The following PIK3C2G variants were observed in gnomAD, a reference collection of about 807,000 sequenced individuals.
The protein encoded by PIK3C2G is phosphatidylinositol 3-kinase C2 domain-containing subunit gamma.
Under a neutral mutation model 181.1 loss-of-function variants are expected in PIK3C2G, and 168 were observed. That is an observed-to-expected ratio of 0.93 (90% CI 0.82 to 1.05). The LOEUF is 1.05. Ranked by LOEUF, PIK3C2G falls within the 50% of genes least tolerant of loss-of-function variation. The pLI is 0.00. For missense variants in PIK3C2G, 1,869 were observed against 1,732.8 expected (o/e 1.08, Z -1.40); for synonymous variants, 573 against 592.2 (o/e 0.97, Z 0.47).
chr12:18,648,308 A>T lies in PIK3C2G; in HGVS notation c.*280A>T, dbSNP rs1270626171. 8.4e-6 allele frequency: 2 copies of T among 237,764 alleles called. No individual in the cohort carries two copies. The highest frequency in any genetic ancestry group is 6.1e-5 in the East Asian group (1 of 16,420). The allele number at this position is 237,764 out of a possible 1,614,324, so 14.7% of individuals were successfully genotyped here. A position where few individuals can be genotyped will look rare whatever the true frequency, so the allele number is the denominator to read the frequency against. ...ATTAAATCATTTTAATATATTTTAA[A>T]TTAAACATAGGTTTACATTTGTTTT... is the stretch of plus-strand genomic sequence containing the variant. On this transcript the variant is annotated 3_prime_UTR_variant, in exon 33 of 33. Transcript: ENST00000538779.
At chr12:18,525,296 G>T (rs1223513638) in intron 24 of PIK3C2G, among the ~76,000 whole-genome samples, 1 of 151,944 alleles carries the variant, frequency 6.6e-6, no homozygotes, top group Non-Finnish European at 1.5e-5. Context: ...AGAGGCTGAG[G>T]CAGGAGAATC....
At chr12:18,696,324 A>C in the PIK3C2G span, 4 of 48,240 alleles carry the variant, frequency 8.3e-5, no homozygotes, top group Admixed American at 8.8e-4. Flanking sequence ...AAAAGCCACT[A>C]TATATATATA....
intron 19 of PIK3C2G, among the ~76,000 whole-genome samples, chr12:18,490,791 G>T (rs902986944): frequency 1.3e-5 from 2 of 152,118 alleles, no homozygotes; most frequent in African/African-American, 4.8e-5. Context: ...GTTTTGTGAT[G>T]AATTGTAATT....
upstream of PIK3C2G, among the ~76,000 whole-genome samples, chr12:18,247,463 A>G (rs1295861629): frequency 3.9e-5 from 6 of 152,320 alleles, no homozygotes; most frequent in South Asian, 8.3e-4. Context: ...AGAAAGAGAA[A>G]GAGAAACAGC....
chr12:18,710,823 A>T, the PIK3C2G span, among the ~76,000 whole-genome samples: 4 of 152,176 alleles, frequency 2.6e-5, no homozygotes, highest in Non-Finnish European at 5.9e-5. Context: ...GCAAATCAAA[A>T]CCACAATGAG....
chr12:18,696,061 A>G, the PIK3C2G span: 1 of 703,630 alleles, frequency 1.4e-6, no homozygotes, highest in East Asian at 3.3e-5. Context: ...CTTTTACAGA[A>G]AGCCCTTTTC....
In PIK3C2G at chr12:18,346,798, G is replaced by A. The variant is rs759093899; in HGVS notation, c.1587G>A (p.Val529=). Residue 529 remains valine, a synonymous_variant, in exon 11 of 33, where the codon GTG becomes GTA. Transcript: ENST00000538779. ...PGLPSHLSFT[V]YAAHNIPETW... is the part of the protein sequence containing the mutation. ...TTCCTTCCCACCTCAGCTTCACAGTGTATGCAGCACACAACATTCCAGAAA... is the reference window on the plus strand; with the variant it reads ...TTCCTTCCCACCTCAGCTTCACAGTATATGCAGCACACAACATTCCAGAAA... The A allele has an allele frequency of 6.2e-7, 1 of 1,613,550 alleles. No individual in the cohort carries two copies. Among genetic ancestry groups the A allele is most frequent in the Non-Finnish European group, 8.5e-7 (1 of 1,179,696 alleles).
intron 30 of PIK3C2G, among the ~76,000 whole-genome samples, chr12:18,598,620 A>G (rs1379528428): frequency 1.7e-4 from 26 of 150,070 alleles, no homozygotes; most frequent in Non-Finnish European, 3.0e-4. Context: ...ACCAAAAGCA[A>G]TGGCAACAAA....
At chr12:18,493,641 T>C (rs368449121) in intron 20 of PIK3C2G, 3 of 152,382 alleles carry the variant, frequency 2.0e-5, no homozygotes, top group East Asian at 1.9e-4. Flanking sequence ...CCATTATAGT[T>C]CACAAGTGAT....
the PIK3C2G span, among the ~76,000 whole-genome samples, chr12:18,667,703 T>C: frequency 6.6e-6 from 1 of 152,182 alleles, no homozygotes; most frequent in African/African-American, 2.4e-5. Context: ...GATTTCATTA[T>C]CATAAAAGTC....
At chr12:18,526,318 T>C (rs902847287) in intron 24 of PIK3C2G, among the ~76,000 whole-genome samples, 3 of 152,198 alleles carry the variant, frequency 2.0e-5, no homozygotes, top group African/African-American at 7.2e-5. Flanking sequence ...TTATTCACAA[T>C]TGCTTTCTCA....
chr12:18,303,792 A>C (rs909074944), intron 5 of PIK3C2G, among the ~76,000 whole-genome samples: 1 of 152,196 alleles, frequency 6.6e-6, no homozygotes, highest in African/African-American at 2.4e-5. Flanking sequence ...ATGCCTCCTG[A>C]GTAAATACTA....
At chr12:18,476,444 G>A (rs369067262) in intron 18 of PIK3C2G, among the ~76,000 whole-genome samples, 4 of 152,046 alleles carry the variant, frequency 2.6e-5, no homozygotes, top group East Asian at 3.9e-4. Context: ...ATTTTATCCC[G>A]GGGAAGGCTA....
At chr12:18,639,982 T>G (rs950850999) in intron 31 of PIK3C2G, among the ~76,000 whole-genome samples, 1 of 151,642 alleles carries the variant, frequency 6.6e-6, no homozygotes, top group Non-Finnish European at 1.5e-5. Context: ...TGTGATATTA[T>G]ATAATATACA....
At chr12:18,260,154 C>T (rs1227984443), upstream of PIK3C2G, among the ~76,000 whole-genome samples, 1 of 150,154 alleles carries the variant, frequency 6.7e-6, no homozygotes, top group Non-Finnish European at 1.5e-5. Context: ...CAGTCCAGCT[C>T]TCATAAGTCC....
the PIK3C2G span, chr12:18,715,756 C>T: frequency 6.6e-6 from 1 of 152,192 alleles, no homozygotes; most frequent in Non-Finnish European, 1.5e-5. Context: ...CCCACTTCAG[C>T]CTCAAAACTA....
chr12:18,601,474 G>A (rs1017287027), intron 30 of PIK3C2G, among the ~76,000 whole-genome samples: 1 of 151,914 alleles, frequency 6.6e-6, no homozygotes, highest in African/African-American at 2.4e-5. Context: ...GAAAGGTGGG[G>A]GTAAAGGAGA....
At chr12:18,317,037 G>T (rs1188184064) in intron 6 of PIK3C2G, among the ~76,000 whole-genome samples, 6 of 136,246 alleles carry the variant, frequency 4.4e-5, no homozygotes, top group African/African-American at 8.9e-5. Context: ...TTTTTGAGAC[G>T]GAGTCTCGCT....
At chr12:18,511,754 A>C (rs1402429949) in intron 24 of PIK3C2G, among the ~76,000 whole-genome samples, 2 of 151,976 alleles carry the variant, frequency 1.3e-5, no homozygotes, top group Non-Finnish European at 2.9e-5. Context: ...ACATTTTCTC[A>C]GATTCTATGG....
Sources: allele counts gnomAD v4.1 joint callset (sites outside exome capture counted in the v4.1 genomes callset), GRCh38; gene constraint gnomAD v4.1.1; transcripts MANE v1.5; gene names NCBI Gene and HGNC (gene_info 2026-07-23, HGNC 2026-07-21).